The following CPAMD8 variants were observed in gnomAD, a reference collection of about 807,000 sequenced individuals.
The protein encoded by CPAMD8 is C3 and PZP like alpha-2-macroglobulin domain containing 8.
CPAMD8 carries 146 observed loss-of-function variants against 224.7 expected under a neutral mutation model. That is an observed-to-expected ratio of 0.65 (90% CI 0.57 to 0.75). The LOEUF (loss-of-function observed/expected upper bound fraction) is 0.75. CPAMD8 is among the 30% of genes least tolerant of loss of function. CPAMD8 has a pLI of 0.00. For synonymous variants in CPAMD8, 966 were observed against 1,044.6 expected, an observed-to-expected ratio of 0.92 and a Z score of 1.45; for missense variants, 2,301 against 2,537.5, an observed-to-expected ratio of 0.91 and a Z score of 2.00.
In CPAMD8 at chr19:17,017,234, C is replaced by A. The variant is rs556049732; in HGVS notation, c.267+3097G>T. 7.2e-5 allele frequency among the ~76,000 whole-genome samples: 11 copies of A among 152,272 alleles called. No homozygotes were observed. In the East Asian group the frequency reaches 1.9e-3, roughly 27 times the overall value. On this transcript the variant is annotated intron_variant, in intron 3 of 41. Transcript: ENST00000443236. ...TGATCTGTTACTGTCTCACATCACC[C>A]CCAGGTGGGACCATCTAGTTGAAGG...
chr19:16,947,150 C>A lies in CPAMD8; in HGVS notation c.2586G>T (p.Met862Ile), dbSNP rs191475082. ...HPGKRHVTKK[M>I]CVAPGEAEPI... ...GCTCAGCCTCCCCGGGGGCCACACA[C>A]ATCTTCTTGGTCACATGGCGTTTGC... Residue 862 changes from methionine (M) to isoleucine (I), a missense_variant, in exon 21 of 42, where the codon ATG becomes ATT. Met to Ile is a conservative substitution (Grantham distance 10). Around this residue, in one of 4 missense-constraint regions of CPAMD8, gnomAD observed 1,709 missense variants for 1,753.2 expected, o/e 0.97. Transcript: ENST00000443236. 1.1e-4 allele frequency: 182 copies of A among 1,613,904 alleles called. 1 individual carries two copies. In the Admixed American group the frequency reaches 1.3e-3, roughly 11 times the overall value.
chr19:16,978,447 T>C (rs1181091381), intron 14 of CPAMD8, among the ~76,000 whole-genome samples: 1 of 151,828 alleles, frequency 6.6e-6, no homozygotes, highest in Non-Finnish European at 1.5e-5. Flanking sequence ...AGACATAAAG[T>C]CCCTGTTATT....
At chr19:16,954,571 C>T (rs1408979041) in intron 19 of CPAMD8, among the ~76,000 whole-genome samples, 1 of 152,058 alleles carries the variant, frequency 6.6e-6, no homozygotes, top group Non-Finnish European at 1.5e-5. Flanking sequence ...ATTTGTATAC[C>T]CCTGTTCACA....
intron 3 of CPAMD8, among the ~76,000 whole-genome samples, 198 bp downstream of exon 3, chr19:17,020,133 C>T (rs542034509): frequency 2.6e-4 from 39 of 151,830 alleles, no homozygotes; most frequent in African/African-American, 7.7e-4. Flanking sequence ...TGCCACCACG[C>T]CTGGCTAATT....
At chr19:17,011,805 G>C (rs760183918) in intron 3 of CPAMD8, 48 bp from the exon 4 acceptor site, 1 of 1,586,716 alleles carries the variant, frequency 6.3e-7, no homozygotes, top group Admixed American at 1.8e-5. Flanking sequence ...CCCTGGAATG[G>C]GCCAAGATAC....
chr19:16,987,172 AAAAAAAAATATATATAT>A (rs1464667079), intron 13 of CPAMD8, among the ~76,000 whole-genome samples: 10 of 101,450 alleles, frequency 9.9e-5, no homozygotes, highest in East Asian at 2.9e-4. Flanking sequence ...AAAAAAAAAA[AAAAAAAAATATATATAT>A]ATATATATAT....
intron 2 of CPAMD8, 68 bp downstream of exon 2, chr19:17,021,962 G>T: frequency 6.8e-7 from 1 of 1,472,260 alleles, no homozygotes. Flanking sequence ...CCCCAGCCCT[G>T]AAGGCCAGCA....
chr19:17,011,550 A>T (rs778370979), intron 4 of CPAMD8, 34 bp from the exon 5 acceptor site: 2 of 1,614,212 alleles, frequency 1.2e-6, no homozygotes, highest in East Asian at 4.5e-5. Context: ...TGACACCTCC[A>T]GACCATGGCC....
chr19:17,019,169 G>C (rs778128121), intron 3 of CPAMD8, among the ~76,000 whole-genome samples: 2 of 152,122 alleles, frequency 1.3e-5, no homozygotes, highest in Non-Finnish European at 2.9e-5. Flanking sequence ...TGTTGCCCAG[G>C]CTGGAGTGAA....
At chr19:16,957,358 G>A (rs114761231) in intron 19 of CPAMD8, among the ~76,000 whole-genome samples, 188 of 152,314 alleles carry the variant, frequency 1.2e-3, no homozygotes, top group African/African-American at 4.3e-3. Context: ...GTGCTCTAAC[G>A]CTGAGCATTG....
At chr19:16,984,992 C>T (rs2055663553) in intron 13 of CPAMD8, among the ~76,000 whole-genome samples, 1 of 152,174 alleles carries the variant, frequency 6.6e-6, no homozygotes, top group Non-Finnish European at 1.5e-5. Flanking sequence ...TTAGGGTACC[C>T]ATTGAAAATC....
intron 29 of CPAMD8, among the ~76,000 whole-genome samples, chr19:16,907,989 A>G (rs1330224680): frequency 1.3e-5 from 2 of 152,202 alleles, no homozygotes; most frequent in Admixed American, 1.3e-4. Context: ...AAATGAGCAC[A>G]GTGATACTCT....
At chr19:16,996,819 A>T (rs1035650324) in intron 11 of CPAMD8, among the ~76,000 whole-genome samples, 4 of 6,520 alleles carry the variant, frequency 6.1e-4, no homozygotes, top group African/African-American at 2.5e-3. Context: ...ACTATCTCTA[A>T]AAAAAAAAAA....
intron 22 of CPAMD8, among the ~76,000 whole-genome samples, chr19:16,938,869 C>T (rs2053784805): frequency 6.6e-6 from 1 of 152,204 alleles, no homozygotes; most frequent in South Asian, 2.1e-4. Context: ...CTGCCAAGGA[C>T]GAGTCTCCGT....
chr19:17,021,714 C>G (rs2123260555), intron 2 of CPAMD8, among the ~76,000 whole-genome samples: 1 of 152,338 alleles, frequency 6.6e-6, no homozygotes, highest in South Asian at 2.1e-4. Flanking sequence ...GTCATGTGAT[C>G]TCCTTCAGGT....
rs770942297 is a variant in CPAMD8 at position 16,952,097 on chromosome 19, C to T, written c.2380G>A (p.Ala794Thr). The T allele has an allele frequency of 1.7e-5, 27 of 1,556,162 alleles. No individual in the cohort carries two copies. The highest frequency in any genetic ancestry group is 5.5e-5 in the African/African-American group (4 of 73,394). ...AAGGTCTTCAGCAGGGAGGGCTCGG[C>T]GATGCCTAAGCCCTGAGAGGTGGAC... is the stretch of plus-strand genomic sequence containing the variant. ...ALSTSQGLGIAEPSLLKTFKP... is the reference protein window; with the variant it reads ...ALSTSQGLGITEPSLLKTFKP... Residue 794 changes from alanine to threonine, a missense_variant, in exon 20 of 42, where the codon GCC (alanine) becomes ACC (threonine). Ala to Thr is a moderately conservative substitution (Grantham distance 58, BLOSUM62 0). Transcript: ENST00000443236.
At chr19:17,014,109 T>C (rs955725235) in intron 3 of CPAMD8, among the ~76,000 whole-genome samples, 3 of 151,224 alleles carry the variant, frequency 2.0e-5, no homozygotes, top group African/African-American at 4.9e-5. Flanking sequence ...TGGAGTCCAA[T>C]GGTGCGATCA....
chr19:16,944,176 C>T (rs543358451), intron 22 of CPAMD8, among the ~76,000 whole-genome samples: 14 of 152,322 alleles, frequency 9.2e-5, no homozygotes, highest in South Asian at 4.1e-4. Flanking sequence ...CAGCTGGTGG[C>T]GCCCACAGTC....
chr19:16,937,144 C>A (rs571596085), intron 23 of CPAMD8, among the ~76,000 whole-genome samples: 3 of 149,576 alleles, frequency 2.0e-5, no homozygotes, highest in East Asian at 2.0e-4. Context: ...TTCCTTACTT[C>A]ATTTTTTTGA....
Sources: allele counts gnomAD v4.1 joint callset (sites outside exome capture counted in the v4.1 genomes callset), GRCh38; gene constraint gnomAD v4.1.1; regional missense constraint gnomAD v4.1.1; transcripts MANE v1.5; gene names NCBI Gene and HGNC (gene_info 2026-07-23, HGNC 2026-07-21).